The following FAM114A2 variants were observed in gnomAD, a reference collection of about 807,000 sequenced individuals.
FAM114A2 encodes protein FAM114A2.
In FAM114A2, 53 loss-of-function variants were observed where a neutral mutation model predicts 58.4. That is an observed-to-expected ratio of 0.91 (90% CI 0.73 to 1.14). The LOEUF is 1.14. FAM114A2 is among the 50% of genes most tolerant of loss of function. FAM114A2 has a pLI of 0.00. For synonymous variants in FAM114A2, 228 were observed against 211.4 expected, an observed-to-expected ratio of 1.08 and a Z score of -0.68; for missense variants, 601 against 581.1, an observed-to-expected ratio of 1.03 and a Z score of -0.35.
chr5:154,002,922 T>C lies in FAM114A2; in HGVS notation c.1041A>G (p.Pro347=). The change falls in exon 10 of 14, where the codon CCA becomes CCG. Residue 347 remains proline, a synonymous_variant. Transcript: ENST00000351797. ...HEWIRKSLTK[P]LAENEEGEKQ... is the part of the protein sequence containing the mutation. ...TTTCTCCTTCTTCATTCTCTGCTAATGGCTTGGTCAGAGACTTCCTGATCC... is the reference window on the plus strand; with the variant it reads ...TTTCTCCTTCTTCATTCTCTGCTAACGGCTTGGTCAGAGACTTCCTGATCC... 3.7e-6 allele frequency: 6 copies of C among 1,613,842 alleles called. No homozygotes were observed. Among genetic ancestry groups the C allele is most frequent in the South Asian group, 1.1e-5 (1 of 91,072 alleles).
At chr5:154,031,312 C>CAAAA (rs59757780) in intron 4 of FAM114A2, among the ~76,000 whole-genome samples, 16 of 47,858 alleles carry the variant, frequency 3.3e-4, no homozygotes, top group Non-Finnish European at 1.3e-4. Flanking sequence ...ACTCCCTCTC[C>CAAAA]AAAAAAAAAA....
At chr5:153,998,388 C>T (rs1769726844) in intron 11 of FAM114A2, among the ~76,000 whole-genome samples, 1 of 152,190 alleles carries the variant, frequency 6.6e-6, no homozygotes, top group Admixed American at 6.5e-5. Context: ...TGATTCCCAA[C>T]ATGGCAGTAT....
At chr5:154,027,081 ACACTT>A (rs1479873348) in intron 7 of FAM114A2, 90 bp downstream of exon 7, 2 of 1,030,854 alleles carry the variant, frequency 1.9e-6, no homozygotes, top group Non-Finnish European at 2.8e-6. Context: ...AACAAAACAT[ACACTT>A]CATCTTCCAA....
At chr5:154,003,007 C>A in intron 9 of FAM114A2, 38 bp from the exon 10 acceptor site, 1 of 1,606,218 alleles carries the variant, frequency 6.2e-7, no homozygotes, top group South Asian at 1.1e-5. Context: ...CAATTCAATT[C>A]AGTTTACCAA....
intron 8 of FAM114A2, among the ~76,000 whole-genome samples, chr5:154,019,878 C>T (rs1370223392): frequency 6.6e-6 from 1 of 152,078 alleles, no homozygotes; most frequent in Non-Finnish European, 1.5e-5. Context: ...GCACTTATTC[C>T]AAAATTGACC....
intron 8 of FAM114A2, among the ~76,000 whole-genome samples, chr5:154,025,215 A>G (rs1282640264): frequency 6.6e-6 from 1 of 152,184 alleles, no homozygotes; most frequent in Non-Finnish European, 1.5e-5. Context: ...TGTAAGATGC[A>G]TACTTAAAGG....
chr5:153,993,115 C>G lies in FAM114A2; in HGVS notation c.1384-5G>C. 6.3e-7 allele frequency: 1 copy of G among 1,596,308 alleles called. No individual in the cohort carries two copies. The highest frequency in any genetic ancestry group is 8.5e-7 in the Non-Finnish European group (1 of 1,172,106). On this transcript the variant is annotated splice_region_variant and splice_polypyrimidine_tract_variant and intron_variant, in intron 13 of 13. Transcript: ENST00000351797. The stretch of plus-strand genomic sequence containing the variant: ...GTAGGAGGCACTGTTTGATGCCTGC[C>G]AGGATTGAAAAAACAAGAAAAAGAA...
rs1772352745 is a variant in FAM114A2 at position 154,033,854 on chromosome 5, C to T, written c.340G>A (p.Ala114Thr). Residue 114 changes from alanine (A) to threonine (T), a missense_variant, in exon 4 of 14, where the codon GCA (alanine) becomes ACA (threonine). Coordinates refer to ENST00000351797, the MANE Select transcript of FAM114A2 (RefSeq NM_018691.4). ...CCAGGGATTCCAAGGGAAGTCTCTG[C>T]CTTCTCGATGACATTTGAAATGCCT... ...GQGISNVIEK[A>T]ETSLGIPGPS... is the part of the protein sequence containing the mutation. The T allele has an allele frequency of 3.1e-6, 5 of 1,610,882 alleles. No individual in the cohort carries two copies. The highest frequency in any genetic ancestry group is 2.2e-5 in the East Asian group (1 of 44,828).
chr5:154,018,336 T>C (rs1771182627), intron 8 of FAM114A2, among the ~76,000 whole-genome samples: 1 of 152,098 alleles, frequency 6.6e-6, no homozygotes, highest in South Asian at 2.1e-4. Context: ...TCTGGAAAGA[T>C]ACAACCCTCC....
intron 9 of FAM114A2, among the ~76,000 whole-genome samples, chr5:154,003,303 C>A (rs1021350843): frequency 1.3e-5 from 2 of 151,836 alleles, no homozygotes; most frequent in African/African-American, 4.8e-5. Flanking sequence ...CTTAGCCTCC[C>A]GAGTAGCTGG....
Position 154,026,392 on chromosome 5 carries a change from A to T in FAM114A2, c.913+7T>A. On this transcript the variant is annotated splice_region_variant and intron_variant, in intron 8 of 13. Coordinates refer to ENST00000351797, the MANE Select transcript of FAM114A2 (RefSeq NM_018691.4). ...CTCTCCACTCAGATACTAAATTTTC[A>T]TATTACCTTTTTTCTCTTCTTCCTC... The T allele has an allele frequency of 6.4e-7, 1 of 1,553,148 alleles. No homozygotes were observed. Among genetic ancestry groups the T allele is most frequent in the Non-Finnish European group, 8.7e-7 (1 of 1,153,756 alleles).
At chr5:154,026,237 C>T in intron 8 of FAM114A2, 162 bp downstream of exon 8, 1 of 451,510 alleles carries the variant, frequency 2.2e-6, no homozygotes, top group African/African-American at 2.0e-5. Flanking sequence ...TAGTCAGGTG[C>T]AAGGCTGCAG....
chr5:153,999,453 T>C lies in FAM114A2; in HGVS notation c.1257-1578A>G, dbSNP rs141637254. Among the ~76,000 whole-genome samples, 925 of 152,232 alleles carry C rather than the reference T, an allele frequency of 6.1e-3. 12 individuals carry two copies. Among genetic ancestry groups the C allele is most frequent in the African/African-American group, 0.021 (890 of 41,548 alleles). On this transcript the variant is annotated intron_variant, in intron 11 of 13. Transcript: ENST00000351797. ...GAGTTTGAGACCAGCCTGGCCAACA[T>C]GGTGAAACCCTGTCTCTACTAAAAT...
At chr5:154,006,553 C>G (rs1359379337) in intron 9 of FAM114A2, among the ~76,000 whole-genome samples, 1 of 151,980 alleles carries the variant, frequency 6.6e-6, no homozygotes, top group Non-Finnish European at 1.5e-5. Flanking sequence ...AGGAGTGTGA[C>G]AGAAAATTAG....
intron 8 of FAM114A2, among the ~76,000 whole-genome samples, chr5:154,014,663 G>A (rs1770910024): frequency 6.6e-6 from 1 of 152,138 alleles, no homozygotes; most frequent in Admixed American, 6.5e-5. Flanking sequence ...GGCTCGCTGG[G>A]TCCCCTAGCA....
Position 154,034,380 on chromosome 5 carries a change from A to C in FAM114A2, c.211-3T>G. ...GGTACATCTTTGGAAACATTATCCTAATTTCCCAGTAGGCAGAAAAACAAA... is the reference window on the plus strand; with the variant it reads ...GGTACATCTTTGGAAACATTATCCTCATTTCCCAGTAGGCAGAAAAACAAA... On this transcript the variant is annotated splice_polypyrimidine_tract_variant and splice_region_variant and intron_variant, in intron 2 of 13. Transcript: ENST00000351797. 1 of 1,538,194 alleles carries C rather than the reference A, an allele frequency of 6.5e-7. No homozygotes were observed.
intron 8 of FAM114A2, among the ~76,000 whole-genome samples, chr5:154,017,884 T>C (rs1258109090): frequency 6.6e-6 from 1 of 152,084 alleles, no homozygotes; most frequent in African/African-American, 2.4e-5. Context: ...TGAATGACAA[T>C]AGCGATACAA....
intron 8 of FAM114A2, among the ~76,000 whole-genome samples, chr5:154,024,157 G>C (rs1287769889): frequency 1.3e-5 from 2 of 152,162 alleles, no homozygotes; most frequent in African/African-American, 4.8e-5. Flanking sequence ...AGCAATCAGA[G>C]ACATTTCTAA....
At chr5:154,005,564 G>C (rs1443750129) in intron 9 of FAM114A2, among the ~76,000 whole-genome samples, 2 of 152,286 alleles carry the variant, frequency 1.3e-5, no homozygotes, top group South Asian at 2.1e-4. Flanking sequence ...AAACAAAAAG[G>C]AAGCAAGCCG....
Sources: gnomAD v4.1 joint callset for allele counts (sites outside exome capture counted in the v4.1 genomes callset) on GRCh38, gnomAD v4.1.1 for gene constraint, MANE v1.5 for transcripts, NCBI Gene and HGNC (gene_info 2026-07-23, HGNC 2026-07-21) for gene names.